The following KCNH8 variants were observed in gnomAD, a reference collection of about 807,000 sequenced individuals.
KCNH8 encodes potassium voltage-gated channel subfamily H member 8.
KCNH8 carries 70 observed loss-of-function variants against 103.6 expected under a neutral mutation model. The observed-to-expected ratio is 0.68, with a 90% CI of 0.56 to 0.82. The LOEUF is 0.82. Ranked by LOEUF, KCNH8 falls within the 40% of genes least tolerant of loss-of-function variation. KCNH8 has a pLI of 0.00. For synonymous variants in KCNH8, 498 were observed against 489.4 expected, an observed-to-expected ratio of 1.02 and a Z score of -0.23; for missense variants, 1,217 against 1,329.9, an observed-to-expected ratio of 0.92 and a Z score of 1.32.
At chr3:19,498,244 G>C (rs1437387970) in intron 11 of KCNH8, among the ~76,000 whole-genome samples, 1 of 152,164 alleles carries the variant, frequency 6.6e-6, no homozygotes, top group Admixed American at 6.5e-5. Context: ...TACATTCCAA[G>C]TTAACATTTA....
At chr3:19,199,054 A>G (rs760931015) in intron 1 of KCNH8, among the ~76,000 whole-genome samples, 2 of 152,126 alleles carry the variant, frequency 1.3e-5, no homozygotes, top group Non-Finnish European at 2.9e-5. Flanking sequence ...TATTTATGGA[A>G]GAACATTATA....
intron 2 of KCNH8, among the ~76,000 whole-genome samples, chr3:19,271,736 C>A (rs1024107413): frequency 1.3e-5 from 2 of 152,122 alleles, no homozygotes; most frequent in Non-Finnish European, 2.9e-5. Context: ...TAAAATTATA[C>A]CTGAGAATAT....
intron 3 of KCNH8, among the ~76,000 whole-genome samples, chr3:19,293,949 A>G (rs140431032): frequency 1.3e-5 from 2 of 152,314 alleles, no homozygotes; most frequent in African/African-American, 2.4e-5. Context: ...TGCTGTTTCA[A>G]AGTAACCAGA....
At chr3:19,514,273 A>C (rs574292566) in intron 13 of KCNH8, among the ~76,000 whole-genome samples, 1 of 152,164 alleles carries the variant, frequency 6.6e-6, no homozygotes, top group South Asian at 2.1e-4. Context: ...CTTATTCATT[A>C]AGATAAAATA....
chr3:19,513,136 T>C lies in KCNH8; in HGVS notation c.2246T>C (p.Leu749Pro), dbSNP rs768465265. 17 of 1,613,968 alleles carry C rather than the reference T, an allele frequency of 1.1e-5. No individual in the cohort carries two copies. In the South Asian group the frequency reaches 1.3e-4, roughly 13 times the overall value. The change falls in exon 13 of 16, where the codon CTG becomes CCG. Residue 749 changes from leucine to proline, a missense_variant. By Grantham distance (98) the Leu-to-Pro change is moderately conservative. Transcript: ENST00000328405. The stretch of plus-strand genomic sequence containing the variant: ...AAGGTTGGAAGCAATAAAGCCTACC[T>C]GGGCTTAAGCTTAAAGCAACTGGCC... Reference protein sequence around the residue: ...NKKVGSNKAYLGLSLKQLASG... With the variant: ...NKKVGSNKAYPGLSLKQLASG...
chr3:19,183,137 G>A (rs2063471904), intron 1 of KCNH8, among the ~76,000 whole-genome samples: 1 of 152,088 alleles, frequency 6.6e-6, no homozygotes, highest in Non-Finnish European at 1.5e-5. Flanking sequence ...GTGAAGAATT[G>A]TGCTATTACC....
chr3:19,231,016 T>A (rs999054170), intron 1 of KCNH8, among the ~76,000 whole-genome samples: 1 of 152,060 alleles, frequency 6.6e-6, no homozygotes, highest in Non-Finnish European at 1.5e-5. Context: ...TATAAGAAAA[T>A]GGCTAACATA....
rs545437865 is a variant in KCNH8 at position 19,318,508 on chromosome 3, A to G, written c.443-24079A>G. On this transcript the variant is annotated intron_variant, in intron 3 of 15. Coordinates refer to ENST00000328405, the MANE Select transcript of KCNH8 (RefSeq NM_144633.3). ...CCTCATAGCTTAGCTTCCACTTATG[A>G]GTAAAAACATACAATTATTAGTTTT... Among the ~76,000 whole-genome samples the G allele has an allele frequency of 1.9e-3, 295 of 151,872 alleles. 5 individuals are homozygous for G. The highest frequency in any genetic ancestry group is 6.8e-3 in the Middle Eastern group (2 of 292).
chr3:19,371,343 C>A (rs906894120), intron 5 of KCNH8, among the ~76,000 whole-genome samples: 1 of 152,124 alleles, frequency 6.6e-6, no homozygotes, highest in African/African-American at 2.4e-5. Flanking sequence ...TTTTGACTTG[C>A]ATTTCTCTGA....
chr3:19,517,896 A>C (rs1266918893), intron 14 of KCNH8, 102 bp from the exon 15 acceptor site: 1 of 927,554 alleles, frequency 1.1e-6, no homozygotes, highest in East Asian at 2.4e-5. Context: ...AGAAAAGGTT[A>C]AAAGTGATAG....
At chr3:19,490,733 C>A (rs1349051563) in intron 11 of KCNH8, among the ~76,000 whole-genome samples, 1 of 152,114 alleles carries the variant, frequency 6.6e-6, no homozygotes, top group Non-Finnish European at 1.5e-5. Flanking sequence ...TCTCCCTGGG[C>A]AATAGTGTTT....
chr3:19,406,365 A>C (rs897363553), intron 7 of KCNH8, among the ~76,000 whole-genome samples: 2 of 152,094 alleles, frequency 1.3e-5, no homozygotes, highest in African/African-American at 4.8e-5. Context: ...CTTAATAAAA[A>C]TTTTCACTTT....
At chr3:19,393,226 A>C (rs565878394) in intron 6 of KCNH8, among the ~76,000 whole-genome samples, 25 of 152,170 alleles carry the variant, frequency 1.6e-4, no homozygotes, top group African/African-American at 6.0e-4. Context: ...ATTTCCATCT[A>C]AGTCAAATAT....
intron 3 of KCNH8, among the ~76,000 whole-genome samples, chr3:19,321,878 A>G (rs567685550): frequency 2.6e-5 from 4 of 152,110 alleles, no homozygotes; most frequent in African/African-American, 9.6e-5. Flanking sequence ...AGGTGCATAT[A>G]TATTTAGGAT....
chr3:19,504,569 C>T (rs1445210082), intron 11 of KCNH8, among the ~76,000 whole-genome samples: 2 of 152,016 alleles, frequency 1.3e-5, no homozygotes. Context: ...GGCCAACAGT[C>T]ATATGAAAAA....
chr3:19,532,569 T>G (rs2069180985), intron 15 of KCNH8, among the ~76,000 whole-genome samples: 1 of 152,210 alleles, frequency 6.6e-6, no homozygotes, highest in African/African-American at 2.4e-5. Context: ...ACTAGGTGTC[T>G]ACTCCAAATA....
At chr3:19,351,745 A>G (rs1348523577) in intron 5 of KCNH8, among the ~76,000 whole-genome samples, 1 of 152,176 alleles carries the variant, frequency 6.6e-6, no homozygotes, top group Non-Finnish European at 1.5e-5. Context: ...AGCACTAAAC[A>G]TGGAAAGGAA....
intron 10 of KCNH8, among the ~76,000 whole-genome samples, chr3:19,454,705 A>G (rs1230302725): frequency 6.6e-6 from 1 of 152,102 alleles, no homozygotes; most frequent in Non-Finnish European, 1.5e-5. Context: ...CTTACGGCTG[A>G]AAGACTTAAT....
At chr3:19,207,146 T>C (rs1181702472) in intron 1 of KCNH8, among the ~76,000 whole-genome samples, 1 of 151,922 alleles carries the variant, frequency 6.6e-6, no homozygotes, top group African/African-American at 2.4e-5. Context: ...ATTGAACTTT[T>C]GGGAACATAA....
Sources: gnomAD v4.1 joint callset for allele counts (sites outside exome capture counted in the v4.1 genomes callset) on GRCh38, gnomAD v4.1.1 for gene constraint, MANE v1.5 for transcripts, NCBI Gene and HGNC (gene_info 2026-07-23, HGNC 2026-07-21) for gene names.